Variants in XKR4 observed in about 807,000 individuals in gnomAD.
The protein encoded by XKR4 is XK related 4.
Under a neutral mutation model 53.9 loss-of-function variants are expected in XKR4, and 12 were observed. The observed-to-expected ratio is 0.22, with a 90% CI of 0.14 to 0.36. The LOEUF is 0.36. XKR4 is among the 10% of genes least tolerant of loss of function. The pLI is 1.00. For missense variants in XKR4, 799 were observed against 859.5 expected (o/e 0.93, Z 0.88); for synonymous variants, 354 against 362.4 (o/e 0.98, Z 0.26).
intron 2 of XKR4, among the ~76,000 whole-genome samples, chr8:55,443,179 A>C (rs1163729415): frequency 6.6e-6 from 1 of 152,160 alleles, no homozygotes; most frequent in Non-Finnish European, 1.5e-5. Context: ...TAAGAAATAA[A>C]AATTATAGGA....
At chr8:55,112,683 C>A (rs571081439) in intron 1 of XKR4, among the ~76,000 whole-genome samples, 2 of 141,426 alleles carry the variant, frequency 1.4e-5, no homozygotes, top group African/African-American at 5.2e-5. Context: ...TAGTTCATGG[C>A]ATAGTCACTG....
intron 1 of XKR4, among the ~76,000 whole-genome samples, chr8:55,162,218 C>T (rs751249362): frequency 6.6e-5 from 10 of 152,172 alleles, no homozygotes; most frequent in Non-Finnish European, 1.3e-4. Flanking sequence ...CCCTAGAGTA[C>T]ACACCGAGTG....
At chr8:55,398,410 A>T (rs1469480767) in intron 2 of XKR4, among the ~76,000 whole-genome samples, 1 of 152,168 alleles carries the variant, frequency 6.6e-6, no homozygotes, top group Non-Finnish European at 1.5e-5. Flanking sequence ...ATATCATTTT[A>T]TATATTTATG....
Position 55,529,867 on chromosome 8 carries a change from G to A in XKR4, c.*5640G>A, listed in dbSNP as rs2129406565. ...TGTAAAATGGAAGTCTCTATCACCT[G>A]TAACTAAATTTTACCTTAACTCTAA... is the stretch of plus-strand genomic sequence containing the variant. On this transcript the variant is annotated 3_prime_UTR_variant, in exon 3 of 3. Coordinates refer to ENST00000327381, the MANE Select transcript of XKR4 (RefSeq NM_052898.2). The A allele has an allele frequency of 6.6e-6, 1 of 152,256 alleles. No homozygotes were observed. Among genetic ancestry groups the A allele is most frequent in the South Asian group, 2.1e-4 (1 of 4,820 alleles). 9.4% of individuals were successfully genotyped at this position (152,256 alleles called of 1,614,324 possible). A position where few individuals can be genotyped will look rare whatever the true frequency, so the allele number is the denominator to read the frequency against.
At chr8:55,480,407 T>G (rs1379923301) in intron 2 of XKR4, among the ~76,000 whole-genome samples, 1 of 152,166 alleles carries the variant, frequency 6.6e-6, no homozygotes, top group African/African-American at 2.4e-5. Context: ...TATCTCAAAA[T>G]TATAAGAGCT....
intron 1 of XKR4, among the ~76,000 whole-genome samples, chr8:55,293,192 G>A (rs1315925325): frequency 6.6e-6 from 1 of 152,066 alleles, no homozygotes; most frequent in Admixed American, 6.6e-5. Context: ...AAAATTAGCT[G>A]GGAGTGATGG....
chr8:55,523,015 G>C (rs950573409), intron 2 of XKR4, among the ~76,000 whole-genome samples: 1 of 152,010 alleles, frequency 6.6e-6, no homozygotes, highest in Non-Finnish European at 1.5e-5. Context: ...GGTAGTGGGC[G>C]CCTGTAGTCC....
intron 1 of XKR4, among the ~76,000 whole-genome samples, chr8:55,236,145 G>A (rs1818119005): frequency 6.6e-6 from 1 of 152,164 alleles, no homozygotes; most frequent in South Asian, 2.1e-4. Context: ...CAGGGCAGGT[G>A]GAGAAAAATA....
intron 2 of XKR4, among the ~76,000 whole-genome samples, chr8:55,483,181 T>G (rs1394480401): frequency 1.3e-5 from 2 of 152,154 alleles, no homozygotes; most frequent in Non-Finnish European, 1.5e-5. Flanking sequence ...ATCTGATCAA[T>G]TTTTTCAGAC....
rs1008093691 is a variant in XKR4 at position 55,374,833 on chromosome 8, A to G, written c.1006+16956A>G. Among the ~76,000 whole-genome samples, 4 of 152,248 alleles carry G rather than the reference A, an allele frequency of 2.6e-5. No individual in the cohort carries two copies. The East Asian group carries it at 7.7e-4, about 29-fold the overall frequency. On this transcript the variant is annotated intron_variant, in intron 2 of 2. Coordinates refer to ENST00000327381, the MANE Select transcript of XKR4 (RefSeq NM_052898.2). The stretch of plus-strand genomic sequence containing the variant: ...GAGGGCATCGTGGTAGCAAGGGTAG[A>G]ATTTCTAGACTATAAAGGAAAGAAT...
At chr8:55,520,201 G>A (rs550075107) in intron 2 of XKR4, among the ~76,000 whole-genome samples, 1 of 152,322 alleles carries the variant, frequency 6.6e-6, no homozygotes, top group African/African-American at 2.4e-5. Context: ...GAAGTTGTAA[G>A]GGTCTTAACT....
intron 2 of XKR4, among the ~76,000 whole-genome samples, chr8:55,377,631 G>A (rs1450449043): frequency 1.3e-5 from 2 of 152,068 alleles, no homozygotes; most frequent in Non-Finnish European, 1.5e-5. Context: ...AAGGAGAGAA[G>A]GAGGAAGGAA....
chr8:55,425,612 T>C (rs1300168544), intron 2 of XKR4, among the ~76,000 whole-genome samples: 1 of 152,182 alleles, frequency 6.6e-6, no homozygotes, highest in Non-Finnish European at 1.5e-5. Context: ...TTTCCTCCCC[T>C]GTATCTTCTA....
At chr8:55,307,131 T>C (rs1300924804) in intron 1 of XKR4, among the ~76,000 whole-genome samples, 1 of 151,840 alleles carries the variant, frequency 6.6e-6, no homozygotes, top group Non-Finnish European at 1.5e-5. Flanking sequence ...AAAAGGAAAA[T>C]TGATAAATTG....
At chr8:55,413,108 A>G (rs990578775) in intron 2 of XKR4, among the ~76,000 whole-genome samples, 3 of 152,244 alleles carry the variant, frequency 2.0e-5, no homozygotes, top group Non-Finnish European at 4.4e-5. Flanking sequence ...TATTTAGTCC[A>G]CAATTATGCA....
chr8:55,184,745 A>T lies in XKR4; in HGVS notation c.806+81451A>T, dbSNP rs564471943. 4.6e-5 allele frequency among the ~76,000 whole-genome samples: 7 copies of T among 152,318 alleles called. No individual in the cohort carries two copies. The South Asian group carries it at 8.3e-4, about 18-fold the overall frequency. ...AACATTAGTCACCTTTACAACCTCC[A>T]AAAAATTACTTCTCCAATGTCAACC... On this transcript the variant is annotated intron_variant, in intron 1 of 2. Transcript: ENST00000327381.
chr8:55,145,643 C>A (rs1326255920), intron 1 of XKR4, among the ~76,000 whole-genome samples: 1 of 152,166 alleles, frequency 6.6e-6, no homozygotes, highest in Non-Finnish European at 1.5e-5. Flanking sequence ...TATATACATA[C>A]TTTTTAACTC....
intron 1 of XKR4, among the ~76,000 whole-genome samples, chr8:55,171,080 G>A (rs1817149986): frequency 1.3e-5 from 2 of 152,032 alleles, no homozygotes; most frequent in Admixed American, 6.6e-5. Flanking sequence ...GATTTATATT[G>A]CTTTCTACAG....
intron 2 of XKR4, among the ~76,000 whole-genome samples, chr8:55,366,728 G>A (rs187084334): frequency 6.6e-6 from 1 of 152,186 alleles, no homozygotes; most frequent in Admixed American, 6.5e-5. Flanking sequence ...AGAATATGCT[G>A]GCTCCCAGCT....
Sources: allele counts gnomAD v4.1 joint callset (sites outside exome capture counted in the v4.1 genomes callset), GRCh38; gene constraint gnomAD v4.1.1; transcripts MANE v1.5; gene names NCBI Gene and HGNC (gene_info 2026-07-23, HGNC 2026-07-21).